Variants in SPATA16 observed in about 807,000 individuals in gnomAD.
SPATA16 encodes the protein spermatogenesis associated 16.
Under a neutral mutation model 63.3 loss-of-function variants are expected in SPATA16, and 36 were observed. The ratio of observed to expected loss-of-function variants is 0.57; its 90% CI spans 0.44 to 0.75. The LOEUF is 0.75. SPATA16 is among the 30% of genes least tolerant of loss of function. The pLI is 0.00. For synonymous variants in SPATA16, 203 were observed against 216.7 expected, an observed-to-expected ratio of 0.94 and a Z score of 0.56; for missense variants, 646 against 679.3, an observed-to-expected ratio of 0.95 and a Z score of 0.54.
intron 7 of SPATA16, among the ~76,000 whole-genome samples, 182 bp downstream of exon 7, chr3:172,925,164 G>C (rs1732699254): frequency 6.6e-6 from 1 of 151,998 alleles, no homozygotes; most frequent in South Asian, 2.1e-4. Flanking sequence ...GAGTGAGGGG[G>C]GTGGGCATTC....
At chr3:172,994,528 C>CTGTGTGTG (rs149994711) in intron 4 of SPATA16, among the ~76,000 whole-genome samples, 2 of 151,842 alleles carry the variant, frequency 1.3e-5, no homozygotes, top group African/African-American at 4.8e-5. Flanking sequence ...GTACTGAAAT[C>CTGTGTGTG]TGTGTGTGTG....
chr3:172,994,983 C>T (rs1481783929), intron 4 of SPATA16, among the ~76,000 whole-genome samples: 1 of 151,940 alleles, frequency 6.6e-6, no homozygotes. Context: ...CTTGAATATT[C>T]AGATGGTGCT....
At chr3:172,993,727 G>C (rs965328925) in intron 4 of SPATA16, among the ~76,000 whole-genome samples, 1 of 151,944 alleles carries the variant, frequency 6.6e-6, no homozygotes, top group East Asian at 1.9e-4. Flanking sequence ...AACTTCTAAG[G>C]GTATTTCTGA....
intron 4 of SPATA16, among the ~76,000 whole-genome samples, chr3:173,010,069 C>T (rs1031384674): frequency 1.3e-5 from 2 of 152,058 alleles, no homozygotes; most frequent in Admixed American, 6.5e-5. Flanking sequence ...TCGACTGCCA[C>T]GCAGGAAAAG....
intron 2 of SPATA16, among the ~76,000 whole-genome samples, chr3:173,071,987 T>C (rs188889994): frequency 4.5e-4 from 69 of 152,294 alleles, no homozygotes; most frequent in Admixed American, 5.2e-4. Context: ...AATCCATCCA[T>C]TGTGGAAAGA....
At chr3:172,913,394 T>C (rs1183293331) in intron 10 of SPATA16, among the ~76,000 whole-genome samples, 1 of 151,236 alleles carries the variant, frequency 6.6e-6, no homozygotes, top group Non-Finnish European at 1.5e-5. Context: ...GCGCAGATAA[T>C]GAAAATAGAA....
At chr3:173,034,706 A>G (rs1361124209) in intron 3 of SPATA16, among the ~76,000 whole-genome samples, 1 of 152,102 alleles carries the variant, frequency 6.6e-6, no homozygotes, top group African/African-American at 2.4e-5. Context: ...CAGCTAAACC[A>G]CCAGGTTATA....
chr3:172,959,717 C>T (rs535252158), intron 5 of SPATA16, among the ~76,000 whole-genome samples: 5 of 150,030 alleles, frequency 3.3e-5, no homozygotes, highest in East Asian at 2.0e-4. Flanking sequence ...TTTTATTCTT[C>T]TAGAGACAGA....
At chr3:172,939,681 C>G (rs1196814392) in intron 6 of SPATA16, among the ~76,000 whole-genome samples, 3 of 152,160 alleles carry the variant, frequency 2.0e-5, no homozygotes, top group Non-Finnish European at 2.9e-5. Flanking sequence ...AATATTTGGT[C>G]TTTGTCCCCA....
intron 6 of SPATA16, among the ~76,000 whole-genome samples, chr3:172,944,073 AC>A (rs1733223680): frequency 6.6e-6 from 1 of 152,236 alleles, no homozygotes; most frequent in African/African-American, 2.4e-5. Context: ...TGAAAAGGCA[AC>A]CTATAGAATG....
intron 4 of SPATA16, among the ~76,000 whole-genome samples, chr3:173,016,444 T>G (rs1343320196): frequency 6.6e-6 from 1 of 152,178 alleles, no homozygotes; most frequent in Non-Finnish European, 1.5e-5. Flanking sequence ...CCTAAGACAT[T>G]CTAATTTCCA....
At position 172,924,189 on chromosome 3, in the gene SPATA16, A is replaced by G. The variant is rs1424568309; in HGVS notation, c.1338+19T>C. On this transcript the variant is annotated intron_variant, in intron 8 of 10. Coordinates refer to ENST00000351008, the MANE Select transcript of SPATA16 (RefSeq NM_031955.6). The stretch of plus-strand genomic sequence containing the variant: ...TAATATTTGTACATTGGACAAATAT[A>G]AAAGACTCATATACCTACATTCAAT... 6 of 1,552,414 alleles carry G rather than the reference A, an allele frequency of 3.9e-6. No individual in the cohort carries two copies. The highest frequency in any genetic ancestry group is 1.7e-5 in the Admixed American group (1 of 59,898).
intron 4 of SPATA16, among the ~76,000 whole-genome samples, chr3:172,978,951 A>T (rs993120844): frequency 6.6e-6 from 1 of 152,174 alleles, no homozygotes; most frequent in Non-Finnish European, 1.5e-5. Flanking sequence ...CAATAGTCTG[A>T]TGCTGGCCGG....
chr3:172,996,603 C>A (rs1734698399), intron 4 of SPATA16, among the ~76,000 whole-genome samples: 1 of 152,126 alleles, frequency 6.6e-6, no homozygotes, highest in African/African-American at 2.4e-5. Flanking sequence ...CTGTCAACAT[C>A]CCTCACCAGA....
At chr3:173,049,908 A>G (rs935954288) in intron 2 of SPATA16, among the ~76,000 whole-genome samples, 7 of 152,074 alleles carry the variant, frequency 4.6e-5, no homozygotes, top group Non-Finnish European at 7.4e-5. Flanking sequence ...ATTAAGGCTG[A>G]TGGAAAAGAA....
At chr3:172,938,465 T>C (rs1218968032) in intron 6 of SPATA16, among the ~76,000 whole-genome samples, 11 of 152,130 alleles carry the variant, frequency 7.2e-5, no homozygotes, top group Non-Finnish European at 4.4e-5. Context: ...AAAGTCTTAA[T>C]ACAGCACTAT....
chr3:173,102,775 G>A (rs1399176476), intron 2 of SPATA16, among the ~76,000 whole-genome samples: 2 of 152,056 alleles, frequency 1.3e-5, no homozygotes, highest in African/African-American at 2.4e-5. Context: ...ACATAATAAT[G>A]TCTTCCCAAT....
rs376934187 is a variant in SPATA16, at chr3:172,893,073, A to G, written c.1588-3381T>C. Among the ~76,000 whole-genome samples, 10 of 152,294 alleles carry G rather than the reference A, an allele frequency of 6.6e-5. 1 individual carries two copies. Among genetic ancestry groups the G allele is most frequent in the South Asian group, 2.1e-4 (1 of 4,826 alleles). ...CATAACCCATATCAAAGAGTAAGGA[A>G]ATTGTCATCAGTCAGTTTCTCAACA... On this transcript the variant is annotated intron_variant, in intron 10 of 10. Transcript: ENST00000351008.
intron 2 of SPATA16, among the ~76,000 whole-genome samples, chr3:173,103,724 T>G (rs1263266214): frequency 2.0e-5 from 3 of 152,246 alleles, no homozygotes; most frequent in Non-Finnish European, 4.4e-5. Context: ...TGATAAGTTT[T>G]TGAGGCCTTT....
Sources: allele counts gnomAD v4.1 joint callset (sites outside exome capture counted in the v4.1 genomes callset), GRCh38; gene constraint gnomAD v4.1.1; transcripts MANE v1.5; gene names NCBI Gene and HGNC (gene_info 2026-07-23, HGNC 2026-07-21).